Variants in DNER observed in about 807,000 individuals in gnomAD.
DNER encodes the protein delta/notch like EGF repeat containing, also known as delta and Notch-like epidermal growth factor-related receptor.
DNER carries 33 observed loss-of-function variants against 78.2 expected under a neutral mutation model. The ratio of observed to expected loss-of-function variants is 0.42; its 90% confidence interval spans 0.32 to 0.56. The LOEUF is 0.56. Among genes scored for constraint, DNER ranks in the 20% least tolerant of loss-of-function variants. The pLI is 0.11. For missense variants in DNER, 918 were observed against 975.3 expected (o/e 0.94, Z 0.78); for synonymous variants, 417 against 384.8 (o/e 1.08, Z -0.98).
chr2:229,632,083 G>C (rs78141834), intron 1 of DNER, among the ~76,000 whole-genome samples: 1 of 152,152 alleles, frequency 6.6e-6, no homozygotes, highest in Admixed American at 6.5e-5. Context: ...CGCTGTGAAT[G>C]TCTCTTTAAT....
At chr2:229,559,138 C>T (rs982884490) in intron 4 of DNER, among the ~76,000 whole-genome samples, 6 of 152,226 alleles carry the variant, frequency 3.9e-5, no homozygotes, top group Middle Eastern at 3.4e-3. Flanking sequence ...AGATTTCCAT[C>T]GTTAGTGTAC....
intron 1 of DNER, among the ~76,000 whole-genome samples, chr2:229,606,713 T>C (rs776781721): frequency 6.6e-6 from 1 of 152,034 alleles, no homozygotes; most frequent in Admixed American, 6.6e-5. Flanking sequence ...ACCAACATGG[T>C]GAAACCCTGT....
At chr2:229,696,855 G>A (rs1041799852) in intron 1 of DNER, among the ~76,000 whole-genome samples, 1 of 152,172 alleles carries the variant, frequency 6.6e-6, no homozygotes, top group Non-Finnish European at 1.5e-5. Flanking sequence ...GGAATGCAAG[G>A]AGAGGCTGCA....
chr2:229,556,146 T>C (rs78364077), intron 4 of DNER, among the ~76,000 whole-genome samples: 3,239 of 152,334 alleles, frequency 0.021, 109 homozygotes, highest in African/African-American at 0.066. Flanking sequence ...GTTAAAAATA[T>C]ACAAGGCATA....
intron 1 of DNER, among the ~76,000 whole-genome samples, chr2:229,695,335 T>G (rs1476324787): frequency 6.6e-6 from 1 of 152,154 alleles, no homozygotes; most frequent in Non-Finnish European, 1.5e-5. Flanking sequence ...ACACATAATA[T>G]AGGGAAAGGA....
intron 10 of DNER, among the ~76,000 whole-genome samples, chr2:229,390,970 C>T (rs1693002418): frequency 6.6e-6 from 1 of 152,082 alleles, no homozygotes; most frequent in African/African-American, 2.4e-5. Context: ...TCAGTTATTC[C>T]TCAACTGGCT....
At chr2:229,696,408 C>A (rs1398949664) in intron 1 of DNER, among the ~76,000 whole-genome samples, 1 of 152,214 alleles carries the variant, frequency 6.6e-6, no homozygotes, top group Non-Finnish European at 1.5e-5. Flanking sequence ...AAAGACCTTT[C>A]TCAAACCCTG....
At position 229,488,087 on chromosome 2, in the gene DNER, C is replaced by T. The variant is rs1695315578; in HGVS notation, c.1148-10834G>A. On this transcript the variant is annotated intron_variant, in intron 6 of 12. Coordinates refer to ENST00000341772, the MANE Select transcript of DNER (RefSeq NM_139072.4). ...GCACTTAAGGTCTCTCCTCCCTTCTCCCTGGGAGCAAGTGTTCTGGTCTGG... is the reference window on the plus strand; with the variant it reads ...GCACTTAAGGTCTCTCCTCCCTTCTTCCTGGGAGCAAGTGTTCTGGTCTGG... Among the ~76,000 whole-genome samples, 3 of 152,214 alleles carry T rather than the reference C, an allele frequency of 2.0e-5. No individual in the cohort carries two copies. The South Asian group carries it at 6.2e-4, about 32-fold the overall frequency.
chr2:229,418,032 T>C (rs2106349075), intron 9 of DNER, 76 bp downstream of exon 9: 4 of 1,605,480 alleles, frequency 2.5e-6, no homozygotes, highest in Non-Finnish European at 3.4e-6. Flanking sequence ...CAATTAGAGG[T>C]TTATGCATTT....
intron 1 of DNER, among the ~76,000 whole-genome samples, chr2:229,611,011 T>G (rs1248607921): frequency 6.6e-6 from 1 of 152,248 alleles, no homozygotes; most frequent in Non-Finnish European, 1.5e-5. Flanking sequence ...TGTTACATTT[T>G]GATGATACCA....
chr2:229,365,425 A>C (rs1353086370), intron 12 of DNER, among the ~76,000 whole-genome samples: 5 of 152,118 alleles, frequency 3.3e-5, no homozygotes, highest in Admixed American at 6.5e-5. Context: ...CTGTTGAGAT[A>C]GAAAACCCAG....
intron 4 of DNER, among the ~76,000 whole-genome samples, chr2:229,554,267 G>A (rs540971363): frequency 6.6e-6 from 1 of 152,172 alleles, no homozygotes; most frequent in Admixed American, 6.5e-5. Flanking sequence ...GTAGTATGAC[G>A]TTCAATTCAG....
intron 4 of DNER, among the ~76,000 whole-genome samples, chr2:229,558,389 T>C (rs2154213538): frequency 6.6e-6 from 1 of 152,264 alleles, no homozygotes; most frequent in East Asian, 1.9e-4. Context: ...ATATAAGTTT[T>C]AAAAAAGAGA....
chr2:229,464,126 A>T (rs1694756314), intron 7 of DNER, among the ~76,000 whole-genome samples: 1 of 152,216 alleles, frequency 6.6e-6, no homozygotes. Flanking sequence ...ACAAGGAGTG[A>T]TGTTCAAATC....
chr2:229,691,834 A>G (rs1447877921), intron 1 of DNER, among the ~76,000 whole-genome samples: 2 of 152,204 alleles, frequency 1.3e-5, no homozygotes, highest in African/African-American at 2.4e-5. Context: ...CTAACCCCTC[A>G]GCCACAATGA....
intron 7 of DNER, among the ~76,000 whole-genome samples, chr2:229,450,312 A>G (rs1050130231): frequency 2.0e-5 from 3 of 152,224 alleles, no homozygotes; most frequent in South Asian, 4.1e-4. Context: ...AAGAAAAATC[A>G]GGAACAAGAA....
At chr2:229,636,208 A>T (rs961332952) in intron 1 of DNER, among the ~76,000 whole-genome samples, 1 of 152,134 alleles carries the variant, frequency 6.6e-6, no homozygotes, top group Non-Finnish European at 1.5e-5. Context: ...CTTCCCAACA[A>T]ACTCCTGAGC....
intron 1 of DNER, among the ~76,000 whole-genome samples, chr2:229,704,885 A>T (rs1207973362): frequency 6.6e-6 from 1 of 152,198 alleles, no homozygotes; most frequent in African/African-American, 2.4e-5. Flanking sequence ...GAAGCTAAAG[A>T]TTTTCGTGTT....
intron 6 of DNER, among the ~76,000 whole-genome samples, chr2:229,501,112 G>C (rs1460295990): frequency 6.6e-6 from 1 of 152,042 alleles, no homozygotes; most frequent in Non-Finnish European, 1.5e-5. Context: ...AGAGAGAATG[G>C]TGATTACCAG....
Sources: gnomAD v4.1 joint callset for allele counts (sites outside exome capture counted in the v4.1 genomes callset) on GRCh38, gnomAD v4.1.1 for gene constraint, MANE v1.5 for transcripts, NCBI Gene and HGNC (gene_info 2026-07-23, HGNC 2026-07-21) for gene names.